The following DPH6 variants were observed in gnomAD, a reference collection of about 807,000 sequenced individuals.
DPH6 encodes the protein diphthine--ammonia ligase.
DPH6 carries 33 observed loss-of-function variants against 38.2 expected under a neutral mutation model. That is an observed-to-expected ratio of 0.86 (90% CI 0.65 to 1.15). The LOEUF is 1.15. DPH6 is among the 50% of genes most tolerant of loss of function. DPH6 has a pLI of 0.00. For synonymous variants in DPH6, 108 were observed against 103.0 expected (o/e 1.05, Z -0.30); for missense variants, 325 against 320.0 (o/e 1.02, Z -0.12).
chr15:35,471,841 T>A (rs758407328), intron 3 of DPH6, among the ~76,000 whole-genome samples: 4 of 152,234 alleles, frequency 2.6e-5, no homozygotes, highest in Non-Finnish European at 2.9e-5. Context: ...TCTATACATG[T>A]TCTTAGTTCT....
the DPH6 span, among the ~76,000 whole-genome samples, chr15:35,192,143 T>A: frequency 6.6e-6 from 1 of 152,202 alleles, no homozygotes; most frequent in African/African-American, 2.4e-5. Context: ...TTCCAGAAAG[T>A]ATTTAAGACA....
chr15:35,175,625 T>C, the DPH6 span, among the ~76,000 whole-genome samples: 2 of 130,760 alleles, frequency 1.5e-5, no homozygotes, highest in Non-Finnish European at 1.6e-5. Flanking sequence ...GGGGCTGTTA[T>C]GAAGGTACCA....
At chr15:35,283,954 A>G (rs73393312) in intron 3 of DPH6, among the ~76,000 whole-genome samples, 4,026 of 152,308 alleles carry the variant, frequency 0.026, 168 homozygotes, top group African/African-American at 0.092. Context: ...TCTTTGCTGT[A>G]GTAATTTGAG....
intron 3 of DPH6, among the ~76,000 whole-genome samples, chr15:35,321,456 GTATTAATTGTGAGAAC>G (rs2052239696): frequency 6.6e-6 from 1 of 152,222 alleles, no homozygotes; most frequent in African/African-American, 2.4e-5. Flanking sequence ...AATAATCTAT[GTATTAATTGTGAGAAC>G]TGTGGTTACC....
At chr15:35,341,926 A>T (rs1177622641) in intron 3 of DPH6, among the ~76,000 whole-genome samples, 1 of 152,144 alleles carries the variant, frequency 6.6e-6, no homozygotes, top group African/African-American at 2.4e-5. Context: ...ACCCTTCCTC[A>T]TCTGGACCAT....
At chr15:35,149,466 T>A in the DPH6 span, among the ~76,000 whole-genome samples, 1 of 152,184 alleles carries the variant, frequency 6.6e-6, no homozygotes, top group African/African-American at 2.4e-5. Context: ...CTTAAACTCC[T>A]GACCTCGTGA....
the DPH6 span, among the ~76,000 whole-genome samples, chr15:35,191,718 T>C: frequency 3.9e-5 from 6 of 152,226 alleles, no homozygotes; most frequent in African/African-American, 1.4e-4. Context: ...TATATTTGTC[T>C]TGTCTGAGTT....
At chr15:35,520,754 T>C (rs1273939864) in intron 3 of DPH6, 5 of 984,704 alleles carry the variant, frequency 5.1e-6, no homozygotes, top group Non-Finnish European at 6.0e-6. Context: ...GTAGAATATG[T>C]ACAATGAAAA....
chr15:35,237,890 G>A (rs533498360), intron 3 of DPH6: 8 of 1,357,898 alleles, frequency 5.9e-6, no homozygotes, highest in Non-Finnish European at 8.4e-6. Context: ...AGTGGAGGAC[G>A]AGGAGGAGGA....
At chr15:35,151,958 T>A in the DPH6 span, among the ~76,000 whole-genome samples, 14 of 152,170 alleles carry the variant, frequency 9.2e-5, no homozygotes, top group Non-Finnish European at 1.5e-4. Flanking sequence ...TTGATTTAAC[T>A]CACCATGACT....
downstream of DPH6, among the ~76,000 whole-genome samples, chr15:35,327,928 T>C (rs2052298099): frequency 6.6e-6 from 1 of 152,202 alleles, no homozygotes. Flanking sequence ...CTTTAGTTAT[T>C]TGCTTAACTC....
intron 5 of DPH6, among the ~76,000 whole-genome samples, chr15:35,440,437 G>A (rs529552074): frequency 1.1e-4 from 17 of 152,158 alleles, no homozygotes; most frequent in South Asian, 4.2e-4. Context: ...TCAGGCCATC[G>A]AACTCCAAAC....
intron 3 of DPH6, among the ~76,000 whole-genome samples, chr15:35,531,212 A>G (rs575995390): frequency 2.0e-4 from 30 of 152,170 alleles, no homozygotes; most frequent in Admixed American, 9.2e-4. Context: ...TTTCCACCAT[A>G]ATCAGGTTTT....
chr15:35,382,794 A>T (rs1001610735), intron 6 of DPH6, among the ~76,000 whole-genome samples: 21 of 152,274 alleles, frequency 1.4e-4, no homozygotes, highest in Middle Eastern at 3.4e-3. Flanking sequence ...AGAAGGTCCA[A>T]CTTCAAGAAA....
At chr15:35,168,554 G>A in the DPH6 span, among the ~76,000 whole-genome samples, 1 of 152,016 alleles carries the variant, frequency 6.6e-6, no homozygotes, top group Non-Finnish European at 1.5e-5. Context: ...AAGGATCCAA[G>A]GATGAATGAA....
chr15:35,526,156 A>G (rs2054998632), intron 3 of DPH6, among the ~76,000 whole-genome samples: 1 of 152,212 alleles, frequency 6.6e-6, no homozygotes, highest in Admixed American at 6.5e-5. Context: ...TTATTTATCA[A>G]ATGATCATTG....
At chr15:35,183,709 A>G in the DPH6 span, among the ~76,000 whole-genome samples, 11 of 152,352 alleles carry the variant, frequency 7.2e-5, no homozygotes, top group African/African-American at 2.6e-4. Context: ...CTGTGTAAGG[A>G]TCAAAGTGAT....
At chr15:35,473,898 T>C (rs1341883535) in intron 3 of DPH6, among the ~76,000 whole-genome samples, 2 of 149,374 alleles carry the variant, frequency 1.3e-5, no homozygotes, top group East Asian at 2.0e-4. Flanking sequence ...AGGCAAGCGA[T>C]AGAACACTGT....
rs57530358 is a variant in DPH6 at position 35,397,868 on chromosome 15, TACAC to T, written c.567+12963_567+12966del. On this transcript the variant is annotated intron_variant, in intron 6 of 8. Coordinates refer to ENST00000256538, the MANE Select transcript of DPH6 (RefSeq NM_080650.4). The stretch of plus-strand genomic sequence containing the variant: ...AATAGATGGAATCAATTTATATATA[TACAC>T]ACACACACACACACACACACACACA... 3.2e-3 allele frequency among the ~76,000 whole-genome samples: 277 copies of T among 87,300 alleles called. 8 individuals carry two copies. In the East Asian group the frequency reaches 0.042, roughly 13 times the overall value. 57.3% of individuals were successfully genotyped at this position (87,300 alleles called of 152,430 possible).
Sources: gnomAD v4.1 joint callset for allele counts (sites outside exome capture counted in the v4.1 genomes callset) on GRCh38, gnomAD v4.1.1 for gene constraint, MANE v1.5 for transcripts, NCBI Gene and HGNC (gene_info 2026-07-23, HGNC 2026-07-21) for gene names.